Variants in RASGRF1 observed in about 807,000 individuals in gnomAD.
RASGRF1 encodes ras-specific guanine nucleotide-releasing factor 1.
In RASGRF1, 40 loss-of-function variants were observed where a neutral mutation model predicts 138.7. That is an observed-to-expected ratio of 0.29 (90% CI 0.22 to 0.38). RASGRF1 has a LOEUF of 0.38. RASGRF1 is among the 10% of genes least tolerant of loss of function. The pLI is 1.00. For synonymous variants in RASGRF1, 614 were observed against 663.2 expected (o/e 0.93, Z 1.14); for missense variants, 1,108 against 1,650.4 (o/e 0.67, Z 5.69).
At chr15:78,983,542 C>T (rs927007705) in intron 23 of RASGRF1, among the ~76,000 whole-genome samples, 1 of 152,184 alleles carries the variant, frequency 6.6e-6, no homozygotes, top group Non-Finnish European at 1.5e-5. Context: ...GGGTGGGAAA[C>T]TGAAGCCTGG....
Position 79,001,597 on chromosome 15 carries a change from G to C in RASGRF1, c.2575+65C>G, listed in dbSNP as rs996039475. ...GGATGACACCCACTTGCCTTGACTCGACTTGACCTACTGCCCTCTCCCAAA... is the reference window on the plus strand; with the variant it reads ...GGATGACACCCACTTGCCTTGACTCCACTTGACCTACTGCCCTCTCCCAAA... On this transcript the variant is annotated intron_variant, in intron 16 of 26. Coordinates refer to ENST00000558480, the MANE Select transcript of RASGRF1 (RefSeq NM_001145648.3). 3 of 1,557,782 alleles carry C rather than the reference G, an allele frequency of 1.9e-6. No individual in the cohort carries two copies. In the African/African-American group the frequency reaches 4.1e-5, roughly 21 times the overall value.
intron 5 of RASGRF1, among the ~76,000 whole-genome samples, chr15:79,040,241 C>T (rs113462090): frequency 6.6e-6 from 1 of 152,096 alleles, no homozygotes; most frequent in Non-Finnish European, 1.5e-5. Flanking sequence ...CCCCCTCCCC[C>T]CTTCATCCCT....
chr15:79,001,485 T>C (rs529778988), intron 16 of RASGRF1, among the ~76,000 whole-genome samples, 177 bp downstream of exon 16: 38 of 151,392 alleles, frequency 2.5e-4, no homozygotes, highest in South Asian at 1.3e-3. Context: ...GCCCCTTCCC[T>C]TGGGGTGGCG....
intron 1 of RASGRF1, among the ~76,000 whole-genome samples, chr15:79,087,180 G>C (rs144298823): frequency 6.6e-6 from 1 of 152,224 alleles, no homozygotes; most frequent in South Asian, 2.1e-4. Context: ...TGCATATCCC[G>C]CTATTAGAGC....
chr15:79,059,252 T>TCCTTC (rs1381781477), intron 2 of RASGRF1, among the ~76,000 whole-genome samples: 6 of 22,656 alleles, frequency 2.6e-4, no homozygotes, highest in Non-Finnish European at 3.1e-4. Context: ...CCCTTCCCTA[T>TCCTTC]CCTTCCCTTC....
In RASGRF1 at chr15:79,084,188, AT is replaced by A. The variant is rs2057949854; in HGVS notation, c.276+6034del. Among the ~76,000 whole-genome samples the A allele has an allele frequency of 2.0e-5, 3 of 152,318 alleles. No homozygotes were observed. In the South Asian group the frequency reaches 6.2e-4, roughly 32 times the overall value. ...AATCATCGATGAAGGGAAGTTAAGG[AT>A]TTGTCTATAGTGACCCAGTGGGAGA... On this transcript the variant is annotated intron_variant, in intron 1 of 26. Coordinates refer to ENST00000558480, the MANE Select transcript of RASGRF1 (RefSeq NM_001145648.3).
At chr15:79,058,673 A>G (rs1241320742) in intron 2 of RASGRF1, among the ~76,000 whole-genome samples, 192 bp from the exon 3 acceptor site, 2 of 152,196 alleles carry the variant, frequency 1.3e-5, no homozygotes, top group Middle Eastern at 3.2e-3. Flanking sequence ...AGAGAGCTGG[A>G]GCAAGGCGGG....
At chr15:79,012,380 G>T in intron 13 of RASGRF1, 1 of 833,568 alleles carries the variant, frequency 1.2e-6, no homozygotes, top group Non-Finnish European at 2.0e-6. Context: ...ACCTCGCCTG[G>T]ATTACACAGA....
intron 26 of RASGRF1, among the ~76,000 whole-genome samples, chr15:78,963,278 T>A (rs997008441): frequency 2.6e-5 from 4 of 151,976 alleles, no homozygotes; most frequent in Non-Finnish European, 5.9e-5. Context: ...CCCCGCTACA[T>A]AAATCCAGAG....
At chr15:79,023,934 CCACA>C (rs960892716) in intron 10 of RASGRF1, among the ~76,000 whole-genome samples, 7 of 151,648 alleles carry the variant, frequency 4.6e-5, no homozygotes, top group Non-Finnish European at 1.0e-4. Context: ...GACACACACA[CCACA>C]CACACAGATA....
intron 23 of RASGRF1, among the ~76,000 whole-genome samples, chr15:78,982,758 G>C (rs1315234241): frequency 6.6e-6 from 1 of 152,116 alleles, no homozygotes; most frequent in South Asian, 2.1e-4. Flanking sequence ...GGCCAAAATC[G>C]ATTGTTAGCC....
At chr15:78,970,926 C>A (rs1251328366) in intron 26 of RASGRF1, among the ~76,000 whole-genome samples, 1 of 151,656 alleles carries the variant, frequency 6.6e-6, no homozygotes, top group Non-Finnish European at 1.5e-5. Flanking sequence ...TCAGGGCTTC[C>A]TATGGTCCTA....
At chr15:79,054,535 G>A (rs905320232) in intron 3 of RASGRF1, among the ~76,000 whole-genome samples, 6 of 152,186 alleles carry the variant, frequency 3.9e-5, no homozygotes, top group Non-Finnish European at 5.9e-5. Context: ...GCACAGTCAC[G>A]TGACTTGCTT....
chr15:79,057,133 C>T lies in RASGRF1; in HGVS notation c.531+1201G>A, dbSNP rs1472336843. ...GAGGAGACTCACAGTCCACCATCAC[C>T]CCCAACCCTCAGCAGATGCCTGGGC... On this transcript the variant is annotated intron_variant, in intron 3 of 26. Coordinates refer to ENST00000558480, the MANE Select transcript of RASGRF1 (RefSeq NM_001145648.3). 2.0e-5 allele frequency among the ~76,000 whole-genome samples: 3 copies of T among 152,192 alleles called. No homozygotes were observed. The East Asian group carries it at 5.8e-4, about 29-fold the overall frequency.
chr15:79,032,084 T>G lies in RASGRF1; in HGVS notation c.1152+39A>C. On this transcript the variant is annotated intron_variant, in intron 7 of 26. Transcript: ENST00000558480. This position sits in a 1 kb window ranked among gnomAD's most constrained non-coding sequence, Gnocchi z 4.5. Reference sequence around the variant, plus strand: ...CCATGGTCCATCCCCCACACCTGCCTCCCTGACTCTACCCCACCCAGGCAG... The same window carrying G: ...CCATGGTCCATCCCCCACACCTGCCGCCCTGACTCTACCCCACCCAGGCAG... 1 of 1,595,808 alleles carries G rather than the reference T, an allele frequency of 6.3e-7. No individual in the cohort carries two copies. Among genetic ancestry groups the G allele is most frequent in the Non-Finnish European group, 8.5e-7 (1 of 1,170,002 alleles).
intron 1 of RASGRF1, 40 bp from the exon 2 acceptor site, chr15:79,064,566 C>T: frequency 6.4e-7 from 1 of 1,555,680 alleles, no homozygotes; most frequent in Non-Finnish European, 8.9e-7. Context: ...CCAGAGTGTC[C>T]ATGGGACCAA....
chr15:79,019,447 C>A (rs1476688710), intron 11 of RASGRF1, among the ~76,000 whole-genome samples: 2 of 152,056 alleles, frequency 1.3e-5, no homozygotes, highest in Non-Finnish European at 2.9e-5. Context: ...CCCCATTCAG[C>A]CCCATTTGAG....
rs2056533007 is a variant in RASGRF1 at position 79,001,779 on chromosome 15, C to T, written c.2458G>A (p.Val820Ile). ...PSALSKQSSE[V>I]SMREESDIDQ... ...ATATCTGACTCCTCTCTCATGGAGA[C>T]TTCTGAGCCTGGGAGAAAAGAAATA... is the stretch of plus-strand genomic sequence containing the variant. The change falls in exon 16 of 27, where the codon GTC (valine) becomes ATC (isoleucine). Residue 820 changes from valine (V) to isoleucine (I), a missense_variant. Transcript: ENST00000558480. 2 of 1,479,298 alleles carry T rather than the reference C, an allele frequency of 1.4e-6. No homozygotes were observed. The highest frequency in any genetic ancestry group is 3.1e-5 in the South Asian group (2 of 63,904). 91.6% of individuals were successfully genotyped at this position (1,479,298 alleles called of 1,614,324 possible).
chr15:78,993,147 G>A (rs535096797), intron 20 of RASGRF1, among the ~76,000 whole-genome samples: 1 of 143,494 alleles, frequency 7.0e-6, no homozygotes, highest in African/African-American at 2.6e-5. Context: ...GTGTGTGTGT[G>A]TGGTGTGCCT....
Sources: gnomAD v4.1 joint callset for allele counts (sites outside exome capture counted in the v4.1 genomes callset) on GRCh38, gnomAD v4.1.1 for gene constraint, Gnocchi (gnomAD v3.1) non-coding constraint, MANE v1.5 for transcripts, NCBI Gene and HGNC (gene_info 2026-07-23, HGNC 2026-07-21) for gene names.